Variants in TUBGCP6 observed in about 807,000 individuals in gnomAD.
TUBGCP6 encodes tubulin gamma complex component 6.
Under a neutral mutation model 175.8 loss-of-function variants are expected in TUBGCP6, and 161 were observed. The observed-to-expected ratio is 0.92, with a 90% CI of 0.81 to 1.04. The LOEUF (loss-of-function observed/expected upper bound fraction) is 1.04, where lower values mean the gene tolerates loss of function less well. Among genes scored for constraint, TUBGCP6 ranks in the 50% least tolerant of loss-of-function variants. TUBGCP6 has a pLI of 0.00. For missense variants in TUBGCP6, 2,572 were observed against 2,433.0 expected (o/e 1.06, Z -1.20); for synonymous variants, 1,173 against 1,030.5 (o/e 1.14, Z -2.65).
At chr22:50,240,058 A>C in intron 2 of TUBGCP6, 146 bp downstream of exon 2, 1 of 1,119,438 alleles carries the variant, frequency 8.9e-7, no homozygotes, top group Non-Finnish European at 1.3e-6. Flanking sequence ...CCCAGGACTC[A>C]GTCAATTTTG....
intron 18 of TUBGCP6, 62 bp downstream of exon 18, chr22:50,219,582 G>A (rs554048608): frequency 2.5e-5 from 40 of 1,597,620 alleles, no homozygotes; most frequent in Admixed American, 2.4e-4. Context: ...CACAGGAGGT[G>A]GAGCACGTGC....
intron 5 of TUBGCP6, among the ~76,000 whole-genome samples, 187 bp from the exon 6 acceptor site, chr22:50,227,264 C>T (rs948496915): frequency 1.3e-5 from 2 of 152,126 alleles, no homozygotes; most frequent in East Asian, 3.8e-4. Context: ...GTGTGCAGCC[C>T]TGTGCCCCTG....
At position 50,224,372 on chromosome 22, in the gene TUBGCP6, T is replaced by C. The variant is rs780375774; in HGVS notation, c.2114A>G (p.Gln705Arg). Reference sequence around the variant, plus strand: ...AAATTGTTCTTTCAGCCTCTGAAACTGCTCACGCTTCCGGGCATCCAAGGC... The same window carrying C: ...AAATTGTTCTTTCAGCCTCTGAAACCGCTCACGCTTCCGGGCATCCAAGGC... Reference protein sequence around the residue: ...RMALDARKREQFQRLKEQFVK... With the variant: ...RMALDARKRERFQRLKEQFVK... The change falls in exon 12 of 25, where the codon CAG (glutamine) becomes CGG (arginine). Residue 705 changes from glutamine to arginine, a missense_variant. Gln to Arg is a conservative substitution (Grantham distance 43). Coordinates refer to ENST00000248846, the MANE Select transcript of TUBGCP6 (RefSeq NM_020461.4). The C allele has an allele frequency of 3.5e-5, 57 of 1,614,112 alleles. No individual in the cohort carries two copies. Among genetic ancestry groups the C allele is most frequent in the Non-Finnish European group, 4.7e-5 (55 of 1,180,046 alleles).
At position 50,219,166 on chromosome 22, in the gene TUBGCP6, C is replaced by G. The variant is rs1286815729; in HGVS notation, c.4528G>C (p.Glu1510Gln). The change falls in exon 20 of 25, where the codon GAG becomes CAG. Residue 1510 changes from glutamate (E) to glutamine (Q), a missense_variant. Physicochemically the swap from Glu to Gln is conservative, Grantham distance 29. Transcript: ENST00000248846. ...NKAAVDYFFVELHLEAHYEAL... is the reference protein window; with the variant it reads ...NKAAVDYFFVQLHLEAHYEAL... ...TCATAGTGCGCCTCCAGGTGCAGCT[C>G]CACGAAGAAGTAGTCGACAGCGGCC... 3.1e-6 allele frequency: 5 copies of G among 1,612,530 alleles called. No homozygotes were observed. Among genetic ancestry groups the G allele is most frequent in the African/African-American group, 1.3e-5 (1 of 75,060 alleles).
Position 50,218,304 on chromosome 22 carries a change from C to T in TUBGCP6, c.5053G>A (p.Ala1685Thr), listed in dbSNP as rs367630361. The change falls in exon 23 of 25, where the codon GCC becomes ACC. Residue 1685 changes from alanine (A) to threonine (T), a missense_variant. By Grantham distance (58) the Ala-to-Thr change is moderately conservative. Coordinates refer to ENST00000248846, the MANE Select transcript of TUBGCP6 (RefSeq NM_020461.4). ...CAGGTGACGTGCAGGATCTGGTTGGCGATGTAGCCCTGGATGACCTTCACG... is the reference window on the plus strand; with the variant it reads ...CAGGTGACGTGCAGGATCTGGTTGGTGATGTAGCCCTGGATGACCTTCACG... ...HFVKVIQGYIANQILHVTWCE... is the reference protein window; with the variant it reads ...HFVKVIQGYITNQILHVTWCE... 16 of 1,612,938 alleles carry T rather than the reference C, an allele frequency of 9.9e-6. No homozygotes were observed. Among genetic ancestry groups the T allele is most frequent in the Middle Eastern group, 1.6e-4 (1 of 6,084 alleles).
At chr22:50,222,215 A>T in intron 14 of TUBGCP6, 113 bp from the exon 15 acceptor site, 1 of 1,272,104 alleles carries the variant, frequency 7.9e-7, no homozygotes, top group Non-Finnish European at 1.1e-6. Flanking sequence ...GAACCAGACA[A>T]GGCTTGTGCT....
chr22:50,219,211 T>TGGCAGGAGGGAGCTGGAGTCAGGGCGG lies in TUBGCP6; in HGVS notation c.4485-29_4485-3dup. 6.2e-7 allele frequency: 1 copy of TGGCAGGAGGGAGCTGGAGTCAGGGCGG among 1,610,752 alleles called. No homozygotes were observed. Among genetic ancestry groups the TGGCAGGAGGGAGCTGGAGTCAGGGCGG allele is most frequent in the East Asian group, 2.2e-5 (1 of 44,846 alleles). On this transcript the variant is annotated splice_region_variant and splice_polypyrimidine_tract_variant and intron_variant, in intron 19 of 24. Coordinates refer to ENST00000248846, the MANE Select transcript of TUBGCP6 (RefSeq NM_020461.4). ...GCGGCCTTGTTCACCAAGGAGATGC[T>TGGCAGGAGGGAGCTGGAGTCAGGGCGG]GGCAGGAGGGAGCTGGAGTCAGGGC...
chr22:50,224,315 G>C lies in TUBGCP6; in HGVS notation c.2154+17C>G. ...AGAACTGACAGGCGTGACCCCGCAG[G>C]GACAGGTCCTACCCACCTCCTGGTC... On this transcript the variant is annotated intron_variant, in intron 12 of 24. Transcript: ENST00000248846. 1 of 1,614,142 alleles carries C rather than the reference G, an allele frequency of 6.2e-7. No individual in the cohort carries two copies. Among genetic ancestry groups the C allele is most frequent in the Non-Finnish European group, 8.5e-7 (1 of 1,180,014 alleles).
chr22:50,228,053 G>A, intron 4 of TUBGCP6, 25 bp from the exon 5 acceptor site: 1 of 1,516,028 alleles, frequency 6.6e-7, no homozygotes, highest in Non-Finnish European at 8.9e-7. Flanking sequence ...GCTGGGAGGA[G>A]GGCGGCCAGG....
chr22:50,232,990 C>G (rs2064713476), intron 3 of TUBGCP6, among the ~76,000 whole-genome samples: 1 of 152,212 alleles, frequency 6.6e-6, no homozygotes, highest in African/African-American at 2.4e-5. Context: ...AGATGCTCCT[C>G]CCGAGCGGTG....
rs1172842698 is a variant in TUBGCP6 at position 50,219,276 on chromosome 22, A to G, written c.4484+12T>C. 3.7e-6 allele frequency: 6 copies of G among 1,607,138 alleles called. No individual in the cohort carries two copies. The highest frequency in any genetic ancestry group is 5.1e-6 in the Non-Finnish European group (6 of 1,177,850). On this transcript the variant is annotated intron_variant, in intron 19 of 24. Transcript: ENST00000248846. ...TGGGTGGGCAGACTGGCGCAGGGGC[A>G]GGGGCACTCACTGGGCGGCCAGCGG...
chr22:50,218,382 C>G lies in TUBGCP6; in HGVS notation c.4975G>C (p.Gly1659Arg). 1 of 1,613,066 alleles carries G rather than the reference C, an allele frequency of 6.2e-7. No individual in the cohort carries two copies. Among genetic ancestry groups the G allele is most frequent in the South Asian group, 1.1e-5 (1 of 91,082 alleles). Residue 1659 changes from glycine to arginine, a missense_variant, in exon 23 of 25, where the codon GGC becomes CGC. Coordinates refer to ENST00000248846, the MANE Select transcript of TUBGCP6 (RefSeq NM_020461.4). ...TGCAGCTGACGGAACTGCACAGAGC[C>G]GGCCATGTGGCTCAGCAGGGCTGGC... is the stretch of plus-strand genomic sequence containing the variant. ...KRTALLSHMA[G>R]SVQFRQLQLF...
intron 5 of TUBGCP6, 30 bp from the exon 6 acceptor site, chr22:50,227,107 G>A: frequency 6.3e-7 from 1 of 1,589,600 alleles, no homozygotes; most frequent in Non-Finnish European, 8.6e-7. Context: ...GAGACCAGGT[G>A]ACCGGGCTCA....
At chr22:50,226,690 G>A (rs1354442463) in intron 7 of TUBGCP6, 43 bp downstream of exon 7, 3 of 1,485,726 alleles carry the variant, frequency 2.0e-6, no homozygotes, top group South Asian at 1.2e-5. Flanking sequence ...TGTCTGCCTG[G>A]TGGGAGTGCG....
chr22:50,224,610 TAATC>T lies in TUBGCP6; in HGVS notation c.1984-22_1984-19del. On this transcript the variant is annotated intron_variant, in intron 10 of 24. Coordinates refer to ENST00000248846, the MANE Select transcript of TUBGCP6 (RefSeq NM_020461.4). Reference sequence around the variant, plus strand: ...CGTAATTCCTGAGAAAGACAACTGGTAATCAAAGCATCCTGGCCGGGCGCAGTGG... The same window carrying T: ...CGTAATTCCTGAGAAAGACAACTGGTAAAGCATCCTGGCCGGGCGCAGTGG... 6.2e-7 allele frequency: 1 copy of T among 1,612,792 alleles called. No individual in the cohort carries two copies. Among genetic ancestry groups the T allele is most frequent in the South Asian group, 1.1e-5 (1 of 91,070 alleles).
At position 50,218,034 on chromosome 22, in the gene TUBGCP6, A is replaced by T. The variant is rs756864077; in HGVS notation, c.5252T>A (p.Leu1751His). The change falls in exon 24 of 25, where the codon CTC (leucine) becomes CAC (histidine). Residue 1751 changes from leucine to histidine, a missense_variant. Leu to His is a moderately conservative substitution (Grantham distance 99, BLOSUM62 -3). Coordinates refer to ENST00000248846, the MANE Select transcript of TUBGCP6 (RefSeq NM_020461.4). Reference sequence around the variant, plus strand: ...AGGGGGCCCCCAGGCCTGGGAGATGAGCTGGCTGCGGAACTTGAGCACGAG... The same window carrying T: ...AGGGGGCCCCCAGGCCTGGGAGATGTGCTGGCTGCGGAACTTGAGCACGAG... ...FSLVLKFRSQ[L>H]ISQAWGPPGG... is the part of the protein sequence containing the mutation. 6 of 1,613,368 alleles carry T rather than the reference A, an allele frequency of 3.7e-6. No homozygotes were observed. The highest frequency in any genetic ancestry group is 5.1e-6 in the Non-Finnish European group (6 of 1,179,912).
At chr22:50,236,679 G>C (rs981030638) in intron 2 of TUBGCP6, among the ~76,000 whole-genome samples, 2 of 152,222 alleles carry the variant, frequency 1.3e-5, no homozygotes, top group African/African-American at 2.4e-5. Context: ...AAGGAGACCA[G>C]CCCTGAGATG....
chr22:50,219,883 C>A (rs1316688441), intron 17 of TUBGCP6, 74 bp downstream of exon 17: 1 of 1,604,356 alleles, frequency 6.2e-7, no homozygotes, highest in East Asian at 2.2e-5. Context: ...CATGTGGGAC[C>A]CACCCGCGTG....
chr22:50,241,053 A>G (rs1288275538), intron 1 of TUBGCP6, among the ~76,000 whole-genome samples: 4 of 152,262 alleles, frequency 2.6e-5, no homozygotes, highest in African/African-American at 9.6e-5. Context: ...AATAAAATAT[A>G]TAGAACAAGA....
Sources: allele counts gnomAD v4.1 joint callset (sites outside exome capture counted in the v4.1 genomes callset), GRCh38; gene constraint gnomAD v4.1.1; transcripts MANE v1.5; gene names NCBI Gene and HGNC (gene_info 2026-07-23, HGNC 2026-07-21).